Variants in DCAF12 observed in about 807,000 individuals in gnomAD.
DCAF12 encodes DDB1 and CUL4 associated factor 12, also known as DDB1- and CUL4-associated factor 12.
DCAF12 carries 28 observed loss-of-function variants against 52.8 expected under a neutral mutation model. The observed-to-expected ratio is 0.53, with a 90% confidence interval of 0.39 to 0.73. DCAF12 has a LOEUF of 0.73. Among genes scored for constraint, DCAF12 ranks in the 30% least tolerant of loss-of-function variants. The pLI is 0.00. For synonymous variants in DCAF12, 196 were observed against 215.5 expected, an observed-to-expected ratio of 0.91 and a Z score of 0.79; for missense variants, 425 against 552.2, an observed-to-expected ratio of 0.77 and a Z score of 2.31.
chr9:34,093,683 T>C, intron 6 of DCAF12: 1 of 455,664 alleles, frequency 2.2e-6, no homozygotes, highest in Non-Finnish European at 4.0e-6. Context: ...AAAAGGTAAA[T>C]CTGGAATAAA....
chr9:34,113,139 C>T (rs1829031181), intron 2 of DCAF12, among the ~76,000 whole-genome samples: 1 of 151,982 alleles, frequency 6.6e-6, no homozygotes. Flanking sequence ...CAACCTCTGC[C>T]TCCTGGGTAC....
At chr9:34,125,542 G>A (rs1350943644) in intron 1 of DCAF12, 3 of 576,254 alleles carry the variant, frequency 5.2e-6, no homozygotes, top group African/African-American at 1.9e-5. Context: ...CAGACTAAAA[G>A]GTTTACTAGA....
At chr9:34,124,019 T>C (rs1387519269) in intron 2 of DCAF12, among the ~76,000 whole-genome samples, 1 of 152,180 alleles carries the variant, frequency 6.6e-6, no homozygotes, top group East Asian at 1.9e-4. Flanking sequence ...TTTGCCTATG[T>C]CCTTTATAAA....
At chr9:34,097,170 G>A (rs1380091861) in intron 5 of DCAF12, among the ~76,000 whole-genome samples, 1 of 151,886 alleles carries the variant, frequency 6.6e-6, no homozygotes, top group African/African-American at 2.4e-5. Flanking sequence ...TGGGATAGGA[G>A]GTTGAGGGAA....
chr9:34,091,237 G>A (rs1256207670), intron 7 of DCAF12, among the ~76,000 whole-genome samples: 2 of 152,002 alleles, frequency 1.3e-5, no homozygotes, highest in Non-Finnish European at 2.9e-5. Context: ...TAAGGCAGGA[G>A]AATCGCTTGA....
At chr9:34,119,311 T>A (rs1204167836) in intron 2 of DCAF12, among the ~76,000 whole-genome samples, 1 of 152,236 alleles carries the variant, frequency 6.6e-6, no homozygotes, top group Non-Finnish European at 1.5e-5. Flanking sequence ...TACAGAAATT[T>A]AAAATGCAAG....
intron 4 of DCAF12, among the ~76,000 whole-genome samples, chr9:34,102,124 T>C (rs980888199): frequency 2.5e-4 from 37 of 150,776 alleles, no homozygotes; most frequent in Admixed American, 7.3e-4. Flanking sequence ...ACCCTGTCTC[T>C]ACAAAAAATA....
intron 5 of DCAF12, among the ~76,000 whole-genome samples, chr9:34,097,883 A>G (rs1828760553): frequency 1.3e-5 from 2 of 151,616 alleles, no homozygotes; most frequent in Non-Finnish European, 2.9e-5. Context: ...CTTTGAGCTG[A>G]GATCGTGCCA....
rs1388649845 is a variant in DCAF12 at position 34,096,791 on chromosome 9, C to T, written c.796-10G>A. On this transcript the variant is annotated splice_polypyrimidine_tract_variant and intron_variant, in intron 5 of 8. Coordinates refer to ENST00000361264, the MANE Select transcript of DCAF12 (RefSeq NM_015397.4). ...ACACTGCTCCCAGTTCCTACAAGAG[C>T]AATGAAAACCAGGTTATATTATCAT... The T allele has an allele frequency of 6.2e-6, 10 of 1,612,756 alleles. No individual in the cohort carries two copies. Among genetic ancestry groups the T allele is most frequent in the Non-Finnish European group, 6.8e-6 (8 of 1,179,282 alleles).
chr9:34,114,551 C>T (rs1025384775), intron 2 of DCAF12, among the ~76,000 whole-genome samples: 4 of 152,172 alleles, frequency 2.6e-5, no homozygotes, highest in Admixed American at 2.0e-4. Context: ...AGAATCTCTT[C>T]CCAAGCTCTC....
intron 4 of DCAF12, among the ~76,000 whole-genome samples, chr9:34,101,984 C>CAACCTGGGTGACAGAGTGAG (rs1016297500): frequency 1.3e-5 from 2 of 148,606 alleles, no homozygotes; most frequent in Non-Finnish European, 3.0e-5. Context: ...CCACAGACTC[C>CAACCTGGGTGACAGAGTGAG]AACCTGGGTG....
intron 4 of DCAF12, among the ~76,000 whole-genome samples, chr9:34,103,127 A>AACAGCTGG (rs1199127306): frequency 2.8e-5 from 4 of 142,608 alleles, no homozygotes; most frequent in Admixed American, 7.1e-5. Flanking sequence ...AAAGAGAAAC[A>AACAGCTGG]ACAGCTGGGC....
intron 2 of DCAF12, among the ~76,000 whole-genome samples, chr9:34,115,503 G>A (rs1358416122): frequency 7.0e-6 from 1 of 143,064 alleles, no homozygotes; most frequent in Non-Finnish European, 1.5e-5. Flanking sequence ...GGAGGCTGAG[G>A]CAGGAGAATT....
intron 4 of DCAF12, among the ~76,000 whole-genome samples, chr9:34,100,132 C>A (rs544181664): frequency 6.6e-6 from 1 of 150,442 alleles, no homozygotes; most frequent in African/African-American, 2.4e-5. Context: ...CTTCCTGGGC[C>A]TAAGTGATCC....
At chr9:34,121,707 G>A (rs566059764) in intron 2 of DCAF12, among the ~76,000 whole-genome samples, 1 of 152,118 alleles carries the variant, frequency 6.6e-6, no homozygotes, top group Non-Finnish European at 1.5e-5. Context: ...CACTTTGGGA[G>A]GCCAAGGCAG....
intron 1 of DCAF12, 150 bp downstream of exon 1, chr9:34,126,204 C>A: frequency 1.0e-6 from 1 of 960,478 alleles, no homozygotes; most frequent in Non-Finnish European, 1.6e-6. Context: ...TAACGAGGGT[C>A]CAGTCCTGAC....
intron 4 of DCAF12, among the ~76,000 whole-genome samples, chr9:34,103,071 G>A (rs1828854314): frequency 7.4e-6 from 1 of 135,822 alleles, no homozygotes; most frequent in Admixed American, 8.0e-5. Context: ...TTCCATCCTG[G>A]GTGACAGGGC....
chr9:34,102,643 C>A (rs1450434381), intron 4 of DCAF12, among the ~76,000 whole-genome samples: 3 of 142,576 alleles, frequency 2.1e-5, no homozygotes, highest in Middle Eastern at 7.1e-3. Flanking sequence ...ACAGAGACTC[C>A]ATCTCAAAAC....
intron 2 of DCAF12, among the ~76,000 whole-genome samples, chr9:34,115,373 C>T (rs867211767): frequency 4.8e-5 from 7 of 147,066 alleles, no homozygotes; most frequent in African/African-American, 1.5e-4. Context: ...GGGCGGATCA[C>T]GAGGTCAGGA....
Sources: allele counts gnomAD v4.1 joint callset (sites outside exome capture counted in the v4.1 genomes callset), GRCh38; gene constraint gnomAD v4.1.1; transcripts MANE v1.5; gene names NCBI Gene and HGNC (gene_info 2026-07-23, HGNC 2026-07-21).